The following CP variants were observed in gnomAD, a reference collection of about 807,000 sequenced individuals.
CP encodes ceruloplasmin, also known as caeruloplasmin.
CP carries 64 observed loss-of-function variants against 122.4 expected under a neutral mutation model. The observed-to-expected ratio is 0.52, with a 90% CI of 0.43 to 0.64. The LOEUF (loss-of-function observed/expected upper bound fraction) is 0.64, where lower values mean the gene tolerates loss of function less well. Among genes scored for constraint, CP ranks in the 30% least tolerant of loss-of-function variants. The pLI is 0.00. For synonymous variants in CP, 440 were observed against 436.4 expected, an observed-to-expected ratio of 1.01 and a Z score of -0.10; for missense variants, 1,167 against 1,284.4, an observed-to-expected ratio of 0.91 and a Z score of 1.40.
intron 11 of CP, among the ~76,000 whole-genome samples, chr3:149,185,765 C>G (rs1269815229): frequency 1.3e-5 from 2 of 152,160 alleles, no homozygotes; most frequent in African/African-American, 4.8e-5. Flanking sequence ...CTCTCAGTCA[C>G]CATCCCCTTC....
chr3:149,166,396 G>A (rs1437735306), intron 4 of CP, among the ~76,000 whole-genome samples: 2 of 152,142 alleles, frequency 1.3e-5, no homozygotes, highest in Admixed American at 1.3e-4. Flanking sequence ...AGGCTTTGTT[G>A]TCCCATCCTG....
chr3:149,187,452 C>T (rs1036602983), intron 10 of CP, among the ~76,000 whole-genome samples: 2 of 152,116 alleles, frequency 1.3e-5, no homozygotes, highest in African/African-American at 4.8e-5. Flanking sequence ...TAGAATTACA[C>T]TAGGTATTTA....
rs1318001256 is a variant in CP at position 149,172,522 on chromosome 3, T to C, written c.*1192A>G. ...CATTTTTTAAGGTGGGGATTGACTT[T>C]TATTCCAAGGAACAACATCAGTTCA... On this transcript the variant is annotated 3_prime_UTR_variant, in exon 19 of 19. Coordinates refer to ENST00000264613, the MANE Select transcript of CP (RefSeq NM_000096.4). 3.6e-6 allele frequency: 1 copy of C among 276,356 alleles called. No homozygotes were observed. Among genetic ancestry groups the C allele is most frequent in the Non-Finnish European group, 7.1e-6 (1 of 140,692 alleles). The allele number at this position is 276,356 out of a possible 1,614,324, so 17.1% of individuals were successfully genotyped here. A position where few individuals can be genotyped will look rare whatever the true frequency, so the allele number is the denominator to read the frequency against.
chr3:149,206,474 G>C, intron 5 of CP, 135 bp from the exon 6 acceptor site: 2 of 975,220 alleles, frequency 2.1e-6, no homozygotes, highest in South Asian at 1.4e-5. Context: ...ATAAACTAGG[G>C]CAGACAGCTG....
intron 1 of CP, among the ~76,000 whole-genome samples, chr3:149,217,241 T>A (rs1389531360): frequency 6.6e-6 from 1 of 152,094 alleles, no homozygotes; most frequent in African/African-American, 2.4e-5. Context: ...GGAGAATGAG[T>A]CATTTAAAGT....
intron 3 of CP, 43 bp from the exon 4 acceptor site, chr3:149,209,427 A>G (rs2108295063): frequency 4.5e-6 from 7 of 1,562,666 alleles, no homozygotes; most frequent in Non-Finnish European, 6.1e-6. Context: ...AACTTTTAGC[A>G]TGTATTTTGA....
intron 3 of CP, 31 bp downstream of exon 3, chr3:149,210,136 A>G: frequency 5.6e-6 from 9 of 1,603,554 alleles, no homozygotes; most frequent in Non-Finnish European, 7.7e-6. Context: ...TCTTTTGGTC[A>G]TATAGCATGT....
chr3:149,203,295 G>A (rs560274661), intron 6 of CP, among the ~76,000 whole-genome samples: 12 of 144,736 alleles, frequency 8.3e-5, no homozygotes, highest in Admixed American at 5.5e-4. Flanking sequence ...GCAGAGTCTC[G>A]CTCTCTTGCC....
chr3:149,183,619 AC>A lies in CP; in HGVS notation c.2286-15del, dbSNP rs143522213. 0.21 allele frequency: 314,470 copies of A among 1,473,282 alleles called. 15,199 individuals are homozygous for A. The highest frequency in any genetic ancestry group is 0.41 in the African/African-American group (28,543 of 69,312). The allele number at this position is 1,473,282 out of a possible 1,614,324, so 91.3% of individuals were successfully genotyped here. A position where few individuals can be genotyped will look rare whatever the true frequency, so the allele number is the denominator to read the frequency against. On this transcript the variant is annotated splice_polypyrimidine_tract_variant and intron_variant, in intron 12 of 18. Coordinates refer to ENST00000264613, the MANE Select transcript of CP (RefSeq NM_000096.4). ...GCATTTGAAACACTTAAAAAAAAAAACAACTAAGGTTAGTATTTGTCTTAAT... is the reference window on the plus strand; with the variant it reads ...GCATTTGAAACACTTAAAAAAAAAAAAACTAAGGTTAGTATTTGTCTTAAT...
rs886058086 is a variant in CP at position 149,179,660 on chromosome 3, C to T, written c.2557G>A (p.Glu853Lys). Residue 853 changes from glutamate (E) to lysine (K), a missense_variant and splice_region_variant, in exon 15 of 19, where the codon GAA (glutamate) becomes AAA (lysine). Transcript: ENST00000264613. ...ATTTTCCATACGTAAGTGAGAGTTT[C>T]ACCTAAATTCATCAAGTGTTAATGG... ...SSTVTPTLPG[E>K]TLTYVWKIPE... 3 of 1,607,480 alleles carry T rather than the reference C, an allele frequency of 1.9e-6. No individual in the cohort carries two copies. Among genetic ancestry groups the T allele is most frequent in the Non-Finnish European group, 2.6e-6 (3 of 1,174,970 alleles).
intron 14 of CP, 28 bp downstream of exon 14, chr3:149,181,977 C>CAA: frequency 6.3e-6 from 3 of 476,444 alleles, no homozygotes; most frequent in South Asian, 1.6e-5. Context: ...TTAAAATGCA[C>CAA]CACCCCCACC....
downstream of CP, among the ~76,000 whole-genome samples, chr3:149,168,746 C>T (rs146254050): frequency 1.3e-5 from 2 of 152,234 alleles, no homozygotes; most frequent in Admixed American, 6.5e-5. Flanking sequence ...TCTGTCCTAC[C>T]CGTCTCCCTG....
chr3:149,163,095 A>G (rs932344950), intron 5 of CP, among the ~76,000 whole-genome samples: 5 of 152,222 alleles, frequency 3.3e-5, no homozygotes, highest in African/African-American at 1.2e-4. Flanking sequence ...TCTACTTATT[A>G]ATGTCCCTCA....
At chr3:149,195,247 A>G (rs1219619533) in intron 9 of CP, among the ~76,000 whole-genome samples, 1 of 152,234 alleles carries the variant, frequency 6.6e-6, no homozygotes, top group Non-Finnish European at 1.5e-5. Flanking sequence ...AACTGGCACA[A>G]CTACAGAGGG....
Position 149,189,509 on chromosome 3 carries a change from G to A in CP, c.1714-1307C>T, listed in dbSNP as rs1250401324. Among the ~76,000 whole-genome samples the A allele has an allele frequency of 4.0e-5, 6 of 148,948 alleles. No homozygotes were observed. In the South Asian group the frequency reaches 6.4e-4, roughly 16 times the overall value. ...GTGGAGCTTGCAGTGAGCCAAGATCGAGCCACTGCACTCCAGCCTGGGTAA... is the reference window on the plus strand; with the variant it reads ...GTGGAGCTTGCAGTGAGCCAAGATCAAGCCACTGCACTCCAGCCTGGGTAA... On this transcript the variant is annotated intron_variant, in intron 9 of 18. Coordinates refer to ENST00000264613, the MANE Select transcript of CP (RefSeq NM_000096.4).
downstream of CP, among the ~76,000 whole-genome samples, chr3:149,171,312 T>C (rs942488687): frequency 3.3e-5 from 5 of 152,140 alleles, no homozygotes; most frequent in African/African-American, 7.2e-5. Context: ...AGAACACCAT[T>C]GCAGTTTGGG....
chr3:149,179,974 T>C (rs1725672561), intron 14 of CP: 1 of 330,372 alleles, frequency 3.0e-6, no homozygotes, highest in South Asian at 3.0e-5. Flanking sequence ...TTGCAACCAA[T>C]CTCTTCTTAG....
At chr3:149,182,428 C>T (rs1400198318) in intron 13 of CP, among the ~76,000 whole-genome samples, 1 of 152,148 alleles carries the variant, frequency 6.6e-6, no homozygotes, top group East Asian at 1.9e-4. Context: ...CCTCTCATTT[C>T]TACCCTTTAT....
intron 2 of CP, 76 bp from the exon 3 acceptor site, chr3:149,210,455 T>A: frequency 4.0e-6 from 5 of 1,240,740 alleles, no homozygotes; most frequent in Non-Finnish European, 5.9e-6. Flanking sequence ...GTCCATTAAT[T>A]CATTCAGCAA....
Sources: allele counts gnomAD v4.1 joint callset (sites outside exome capture counted in the v4.1 genomes callset), GRCh38; gene constraint gnomAD v4.1.1; transcripts MANE v1.5; gene names NCBI Gene and HGNC (gene_info 2026-07-23, HGNC 2026-07-21).